Variants in STYX observed in about 807,000 individuals in gnomAD.
STYX encodes serine/threonine/tyrosine interacting protein, also known as serine/threonine/tyrosine-interacting protein.
Under a neutral mutation model 42.7 loss-of-function variants are expected in STYX, and 20 were observed. The ratio of observed to expected loss-of-function variants is 0.47; its 90% confidence interval spans 0.33 to 0.68. The LOEUF is 0.68. Among genes scored for constraint, STYX ranks in the 30% least tolerant of loss-of-function variants. STYX has a pLI of 0.02. For synonymous variants in STYX, 78 were observed against 81.9 expected (o/e 0.95, Z 0.26); for missense variants, 226 against 268.5 (o/e 0.84, Z 1.11).
rs1013472745 is a variant in STYX, at chr14:52,773,311, G to C, written c.*2205G>C. On this transcript the variant is annotated 3_prime_UTR_variant, in exon 11 of 11. Transcript: ENST00000354586. Reference sequence around the variant, plus strand: ...GGACTGTCATCATCTTGAGTACTCTGTGTGTATATATATATATATAGATAG... The same window carrying C: ...GGACTGTCATCATCTTGAGTACTCTCTGTGTATATATATATATATAGATAG... 7.9e-6 allele frequency: 1 copy of C among 127,146 alleles called. No individual in the cohort carries two copies. Among genetic ancestry groups the C allele is most frequent in the African/African-American group, 2.8e-5 (1 of 35,656 alleles). The allele number at this position is 127,146 out of a possible 1,614,324, so 7.9% of individuals were successfully genotyped here.
chr14:52,751,810 C>T (rs1230305133), intron 4 of STYX, among the ~76,000 whole-genome samples: 1 of 152,164 alleles, frequency 6.6e-6, no homozygotes, highest in East Asian at 1.9e-4. Context: ...CCCAAGCCAC[C>T]TTGCTCCTAT....
Position 52,750,705 on chromosome 14 carries a change from G to T in STYX, c.167G>T (p.Gly56Val). ...KSKLPVLQKH[G>V]ITHIICIRQN... Reference sequence around the variant, plus strand: ...CAGCTACCTGTACTACAGAAACATGGAATAACCCATATAATATGCATACGA... The same window carrying T: ...CAGCTACCTGTACTACAGAAACATGTAATAACCCATATAATATGCATACGA... Residue 56 changes from glycine (G) to valine (V), a missense_variant, in exon 4 of 11, where the codon GGA becomes GTA. Gly to Val is a moderately radical substitution (Grantham distance 109). Coordinates refer to ENST00000354586, the MANE Select transcript of STYX (RefSeq NM_145251.4). 6.3e-7 allele frequency: 1 copy of T among 1,579,826 alleles called. No homozygotes were observed. The highest frequency in any genetic ancestry group is 8.6e-7 in the Non-Finnish European group (1 of 1,167,354).
chr14:52,758,796 G>A (rs1190930956), intron 8 of STYX, among the ~76,000 whole-genome samples: 1 of 151,970 alleles, frequency 6.6e-6, no homozygotes, highest in Non-Finnish European at 1.5e-5. Context: ...GGATGGTCTC[G>A]ATTTCTTGAC....
intron 2 of STYX, among the ~76,000 whole-genome samples, chr14:52,745,117 T>C (rs1012813293): frequency 7.5e-6 from 1 of 133,176 alleles, no homozygotes; most frequent in African/African-American, 2.9e-5. Flanking sequence ...TCTTGGTTTT[T>C]TTTTTGTTTT....
intron 4 of STYX, among the ~76,000 whole-genome samples, chr14:52,753,444 CA>C (rs1881713527): frequency 6.6e-6 from 1 of 152,126 alleles, no homozygotes; most frequent in Non-Finnish European, 1.5e-5. Flanking sequence ...CTCGGCCTCC[CA>C]AAGCACTGGG....
chr14:52,735,323 C>T (rs1388948126), intron 1 of STYX, among the ~76,000 whole-genome samples: 1 of 152,046 alleles, frequency 6.6e-6, no homozygotes, highest in African/African-American at 2.4e-5. Context: ...AGGAATTGCC[C>T]AATTTAATTC....
At chr14:52,766,059 C>T (rs892040030) in intron 9 of STYX, among the ~76,000 whole-genome samples, 6 of 152,098 alleles carry the variant, frequency 3.9e-5, no homozygotes, top group African/African-American at 1.2e-4. Flanking sequence ...TGCAGTGGCG[C>T]GATCATGGTT....
At chr14:52,731,286 A>C (rs1460080815) in intron 1 of STYX, among the ~76,000 whole-genome samples, 3 of 152,196 alleles carry the variant, frequency 2.0e-5, no homozygotes, top group East Asian at 3.8e-4. Flanking sequence ...ATACTCAGCT[A>C]TACTTTAGTA....
chr14:52,737,393 CATGTTGATCGA>C (rs1292867074), intron 1 of STYX, among the ~76,000 whole-genome samples: 1 of 152,140 alleles, frequency 6.6e-6, no homozygotes, highest in African/African-American at 2.4e-5. Context: ...CTTTCTACCT[CATGTTGATCGA>C]AAGATTTTCA....
chr14:52,763,621 T>C (rs1313724320), intron 9 of STYX, among the ~76,000 whole-genome samples: 3 of 152,168 alleles, frequency 2.0e-5, no homozygotes, highest in Non-Finnish European at 2.9e-5. Context: ...TTTTATTGTA[T>C]AGGTGACTGG....
At chr14:52,743,663 G>A (rs984290582) in intron 1 of STYX, among the ~76,000 whole-genome samples, 4 of 152,076 alleles carry the variant, frequency 2.6e-5, no homozygotes, top group African/African-American at 9.7e-5. Flanking sequence ...TACTATTTTT[G>A]CAACTTTTCT....
chr14:52,757,305 T>G lies in STYX; in HGVS notation c.304-14T>G, dbSNP rs752262379. On this transcript the variant is annotated splice_polypyrimidine_tract_variant and intron_variant, in intron 5 of 10. Coordinates refer to ENST00000354586, the MANE Select transcript of STYX (RefSeq NM_145251.4). The stretch of plus-strand genomic sequence containing the variant: ...TTTTATGCTTACATTAATCCACATG[T>G]CTTTTGCCTCCAGACTAAGGAATTT... 1 of 1,600,762 alleles carries G rather than the reference T, an allele frequency of 6.2e-7. No homozygotes were observed. Among genetic ancestry groups the G allele is most frequent in the South Asian group, 1.1e-5 (1 of 88,496 alleles).
At chr14:52,760,898 A>G (rs1034129682) in intron 9 of STYX, among the ~76,000 whole-genome samples, 1 of 152,194 alleles carries the variant, frequency 6.6e-6, no homozygotes, top group Non-Finnish European at 1.5e-5. Context: ...TCATGGAAAA[A>G]TAGAGTATCC....
Position 52,771,169 on chromosome 14 carries a change from T to G in STYX, c.*63T>G, listed in dbSNP as rs999725124. On this transcript the variant is annotated 3_prime_UTR_variant, in exon 11 of 11. Transcript: ENST00000354586. ...GGGAAGGAGAAAATACAAGAGAAAATTATAATGTAAAATGGTAAAAACATA... is the reference window on the plus strand; with the variant it reads ...GGGAAGGAGAAAATACAAGAGAAAAGTATAATGTAAAATGGTAAAAACATA... The G allele has an allele frequency of 3.5e-6, 5 of 1,449,106 alleles. No individual in the cohort carries two copies. The highest frequency in any genetic ancestry group is 4.7e-6 in the Non-Finnish European group (5 of 1,056,484). The allele number at this position is 1,449,106 out of a possible 1,614,324, so 89.8% of individuals were successfully genotyped here.
chr14:52,733,138 G>T (rs1880801662), intron 1 of STYX, among the ~76,000 whole-genome samples: 1 of 152,104 alleles, frequency 6.6e-6, no homozygotes, highest in African/African-American at 2.4e-5. Flanking sequence ...GAAGGACCTC[G>T]GCCTCCTAAT....
In STYX at chr14:52,730,226, G is replaced by C. The variant is rs1352857507; in HGVS notation, c.-249G>C. On this transcript the variant is annotated 5_prime_UTR_variant, in exon 1 of 11. Coordinates refer to ENST00000354586, the MANE Select transcript of STYX (RefSeq NM_145251.4). ...GGCCTGAGGGGTACGGAGACTCTGG[G>C]GGAGGGAGACGGCAGCGGCATGGCG... 1 of 567,124 alleles carries C rather than the reference G, an allele frequency of 1.8e-6. No homozygotes were observed. The highest frequency in any genetic ancestry group is 3.1e-5 in the Admixed American group (1 of 31,952). 35.1% of individuals were successfully genotyped at this position (567,124 alleles called of 1,614,324 possible). A position where few individuals can be genotyped will look rare whatever the true frequency, so the allele number is the denominator to read the frequency against.
chr14:52,730,652 C>G, intron 1 of STYX, 121 bp downstream of exon 1: 1 of 1,089,780 alleles, frequency 9.2e-7, no homozygotes, highest in Non-Finnish European at 1.3e-6. Context: ...CTAAGGGCGT[C>G]CCGGGACCTC....
chr14:52,770,572 G>C (rs922036954), intron 10 of STYX, among the ~76,000 whole-genome samples: 1 of 151,976 alleles, frequency 6.6e-6, no homozygotes, highest in Non-Finnish European at 1.5e-5. Flanking sequence ...CCTAGACTTC[G>C]ATAGCTTGAG....
intron 3 of STYX, 50 bp downstream of exon 3, chr14:52,746,529 T>C: frequency 6.7e-7 from 1 of 1,493,682 alleles, no homozygotes; most frequent in Non-Finnish European, 9.0e-7. Flanking sequence ...AACCAACTTT[T>C]CTTGGGTAAG....
Sources: gnomAD v4.1 joint callset for allele counts (sites outside exome capture counted in the v4.1 genomes callset) on GRCh38, gnomAD v4.1.1 for gene constraint, MANE v1.5 for transcripts, NCBI Gene and HGNC (gene_info 2026-07-23, HGNC 2026-07-21) for gene names.